RAB33A: variants seen among roughly 807,000 people sequenced by gnomAD.
RAB33A encodes ras-related protein Rab-33A.
In RAB33A, 6 loss-of-function variants were observed where a neutral mutation model predicts 12.0. The observed-to-expected ratio is 0.50, with a 90% CI of 0.27 to 0.99. RAB33A has a LOEUF of 0.99. RAB33A is among the 50% of genes least tolerant of loss of function. The pLI is 0.11. For missense variants in RAB33A, 109 were observed against 192.0 expected (o/e 0.57, Z 2.55); for synonymous variants, 70 against 82.4 (o/e 0.85, Z 0.81).
upstream of RAB33A, chrX:130,171,766 A>G (rs1424019943): frequency 1.9e-5 from 6 of 320,732 alleles, no homozygotes; most frequent in Non-Finnish European, 3.2e-5. Flanking sequence ...CACAGGCAGA[A>G]GGCTCGCGGC....
the RAB33A span, among the ~76,000 whole-genome samples, chrX:130,148,922 C>CTT: frequency 1.8e-3 from 120 of 68,354 alleles, 1 homozygote; most frequent in African/African-American, 3.5e-3. Context: ...TTTTAAGAGA[C>CTT]TTTTTTTTTT....
At chrX:130,119,020 T>C in the RAB33A span, among the ~76,000 whole-genome samples, 88 of 111,306 alleles carry the variant, frequency 7.9e-4, no homozygotes, top group African/African-American at 2.4e-3. Context: ...ATCTCTCCCC[T>C]CACGAAGAGA....
the RAB33A span, among the ~76,000 whole-genome samples, chrX:130,141,190 T>C: frequency 8.9e-6 from 1 of 112,132 alleles, no homozygotes; most frequent in Admixed American, 9.5e-5. Context: ...AAAAAAGTTG[T>C]CAGCCCAATA....
chrX:130,148,052 A>C, the RAB33A span: 1 of 564,641 alleles, frequency 1.8e-6, no homozygotes, highest in Non-Finnish European at 2.9e-6. Flanking sequence ...AGGAAAAGCA[A>C]GTATCCCTTT....
the RAB33A span, among the ~76,000 whole-genome samples, chrX:130,122,171 G>C: frequency 2.7e-5 from 3 of 112,335 alleles, no homozygotes; most frequent in African/African-American, 9.7e-5. Context: ...CAGTGGAAGG[G>C]ATGAGAGGAT....
chrX:130,117,130 T>C, the RAB33A span, among the ~76,000 whole-genome samples: 2 of 111,855 alleles, frequency 1.8e-5, no homozygotes, highest in Non-Finnish European at 3.8e-5. Context: ...AGGAGAATGG[T>C]GTGAACCTGG....
chrX:130,151,765 G>T, the RAB33A span, among the ~76,000 whole-genome samples: 6 of 112,217 alleles, frequency 5.3e-5, no homozygotes, highest in African/African-American at 1.9e-4. Context: ...CTTTAGCCAG[G>T]CGCAGTGGCT....
At chrX:130,136,173 G>A in the RAB33A span, 1 of 1,211,649 alleles carries the variant, frequency 8.3e-7, no homozygotes. Flanking sequence ...GCCACTATGT[G>A]GTCAGTTTCT....
chrX:130,148,723 C>T, the RAB33A span, among the ~76,000 whole-genome samples: 4 of 102,751 alleles, frequency 3.9e-5, no homozygotes, highest in Non-Finnish European at 7.8e-5. Context: ...ATCCTAGCTA[C>T]TCCAGAGGCT....
the RAB33A span, among the ~76,000 whole-genome samples, chrX:130,144,813 T>C: frequency 1.8e-5 from 2 of 112,615 alleles, no homozygotes; most frequent in African/African-American, 6.5e-5. Context: ...AAATGTCTCA[T>C]TACCGGCTTA....
the RAB33A span, chrX:130,165,908 G>A: frequency 2.4e-6 from 1 of 420,876 alleles, no homozygotes; most frequent in Non-Finnish European, 4.2e-6. Flanking sequence ...CGCACGGCGA[G>A]AGGATTTGCG....
At chrX:130,171,646 C>T (rs2031607153), upstream of RAB33A, 1 of 147,429 alleles carries the variant, frequency 6.8e-6, no homozygotes, top group African/African-American at 3.1e-5. Context: ...AGGCTTCTTC[C>T]CTCGGGTCCG....
At chrX:130,180,068 G>A (rs750805802) in intron 1 of RAB33A, among the ~76,000 whole-genome samples, 2 of 110,345 alleles carry the variant, frequency 1.8e-5, no homozygotes, top group East Asian at 5.7e-4. Context: ...GGGCAATGAG[G>A]GGGCAGCTGA....
the RAB33A span, chrX:130,133,165 A>C: frequency 1.4e-6 from 1 of 697,844 alleles, no homozygotes; most frequent in African/African-American, 2.1e-5. Flanking sequence ...TGGCTACCTG[A>C]GGGTAGAATG....
At chrX:130,132,072 A>G in the RAB33A span, among the ~76,000 whole-genome samples, 1 of 111,181 alleles carries the variant, frequency 9.0e-6, no homozygotes. Context: ...GGGTTTTACC[A>G]TGTTGGCCAG....
chrX:130,127,086 C>T, the RAB33A span, among the ~76,000 whole-genome samples: 3 of 110,825 alleles, frequency 2.7e-5, no homozygotes, highest in East Asian at 2.8e-4. Context: ...AAAAGTCAGG[C>T]GGAAAGTCAG....
At chrX:130,133,475 A>C in the RAB33A span, 2 of 1,205,399 alleles carry the variant, frequency 1.7e-6, no homozygotes, top group South Asian at 3.6e-5. Context: ...CAAATACATA[A>C]CATGAACACA....
At chrX:130,142,566 G>A in the RAB33A span, among the ~76,000 whole-genome samples, 31 of 111,559 alleles carry the variant, frequency 2.8e-4, no homozygotes, top group African/African-American at 7.2e-4. Flanking sequence ...GCTTTTATCC[G>A]ATTGCCATCT....
intron 1 of RAB33A, among the ~76,000 whole-genome samples, chrX:130,180,330 G>A (rs1034225755): frequency 1.8e-5 from 2 of 112,750 alleles, no homozygotes; most frequent in Non-Finnish European, 3.8e-5. Flanking sequence ...TCGGGCACTG[G>A]GGCTCACGCC....
Sources: gnomAD v4.1 joint callset for allele counts (sites outside exome capture counted in the v4.1 genomes callset) on GRCh38, gnomAD v4.1.1 for gene constraint, MANE v1.5 for transcripts, NCBI Gene and HGNC (gene_info 2026-07-23, HGNC 2026-07-21) for gene names.